The following LAMC3 variants were observed in gnomAD, a reference collection of about 807,000 sequenced individuals.
LAMC3 encodes laminin subunit gamma 3.
In LAMC3, 128 loss-of-function variants were observed where a neutral mutation model predicts 173.8. That is an observed-to-expected ratio of 0.74 (90% CI 0.64 to 0.85). The LOEUF (loss-of-function observed/expected upper bound fraction) is 0.85, where lower values mean the gene tolerates loss of function less well. Among genes scored for constraint, LAMC3 ranks in the 40% least tolerant of loss-of-function variants. The pLI is 0.00. For synonymous variants in LAMC3, 897 were observed against 909.1 expected (o/e 0.99, Z 0.24); for missense variants, 2,022 against 2,156.0 (o/e 0.94, Z 1.23).
intron 4 of LAMC3, 66 bp from the exon 5 acceptor site, chr9:131,038,798 G>T: frequency 6.6e-7 from 1 of 1,510,634 alleles, no homozygotes; most frequent in South Asian, 1.1e-5. Flanking sequence ...GAGGCTGACT[G>T]ACACAGATGC....
Position 131,060,673 on chromosome 9 carries a change from C to T in LAMC3, c.2159-362C>T, listed in dbSNP as rs1341583119. On this transcript the variant is annotated intron_variant, in intron 12 of 27. Coordinates refer to ENST00000361069, the MANE Select transcript of LAMC3 (RefSeq NM_006059.4). ...ATAATAATAATAATAATAATAATAA[C>T]AGCAGCGATGAGTATGTGTGCCAGA... Among the ~76,000 whole-genome samples, 3 of 151,762 alleles carry T rather than the reference C, an allele frequency of 2.0e-5. No homozygotes were observed. In the East Asian group the frequency reaches 5.8e-4, roughly 29 times the overall value.
Position 131,009,412 on chromosome 9 carries a change from C to A in LAMC3, c.198C>A (p.Gly66=). 1 of 1,540,610 alleles carries A rather than the reference C, an allele frequency of 6.5e-7. No individual in the cohort carries two copies. Residue 66 remains glycine (G), a synonymous_variant, in exon 1 of 28, where the codon GGC becomes GGA. Coordinates refer to ENST00000361069, the MANE Select transcript of LAMC3 (RefSeq NM_006059.4). The surrounding 1 kb of genome is among the most constrained non-coding windows in gnomAD (Gnocchi z 4.3). Reference sequence around the variant, plus strand: ...CCGAGGACTTCTGTCCCCACGTGGGCGCCGCGGGCGCGGGGGCTCATTGCC... The same window carrying A: ...CCGAGGACTTCTGTCCCCACGTGGGAGCCGCGGGCGCGGGGGCTCATTGCC... ...SPPEDFCPHV[G]AAGAGAHCQR...
At position 131,029,053 on chromosome 9, in the gene LAMC3, G is replaced by C. The variant is rs1164776875; in HGVS notation, c.678+2464G>C. 6.6e-6 allele frequency among the ~76,000 whole-genome samples: 1 copy of C among 152,204 alleles called. No homozygotes were observed. The highest frequency in any genetic ancestry group is 1.5e-5 in the Non-Finnish European group (1 of 68,044). On this transcript the variant is annotated intron_variant, in intron 2 of 27. Transcript: ENST00000361069. The surrounding 1 kb of genome is among the most constrained non-coding windows in gnomAD (Gnocchi z 4.6). ...TGTCTCCAGCCCCTCCAGAGGTGAA[G>C]CCGATTCTGTGTGGCCCGAGGCCCC...
intron 22 of LAMC3, among the ~76,000 whole-genome samples, chr9:131,077,676 CAAAAAAAAAAAAAAAAA>C (rs56320740): frequency 5.4e-4 from 15 of 27,726 alleles, no homozygotes; most frequent in East Asian, 1.8e-3. Context: ...GACTCCATCT[CAAAAAAAAAAAAAAAAA>C]AAAAAAAAAA....
chr9:131,009,260 C>A lies in LAMC3; in HGVS notation c.46C>A (p.Arg16=). ...LLLGLALLAP[R]AAGAGMGACY... ...GCTGGGGCTGGCGCTGCTGGCACCG[C>A]GGGCGGCCGGCGCGGGCATGGGCGC... The change falls in exon 1 of 28, where the codon CGG becomes AGG. Residue 16 remains arginine, a synonymous_variant. Transcript: ENST00000361069. This position sits in a 1 kb window ranked among gnomAD's most constrained non-coding sequence, Gnocchi z 4.3. 1 of 1,299,868 alleles carries A rather than the reference C, an allele frequency of 7.7e-7. No individual in the cohort carries two copies. The highest frequency in any genetic ancestry group is 9.7e-7 in the Non-Finnish European group (1 of 1,029,196). The allele number at this position is 1,299,868 out of a possible 1,614,324, so 80.5% of individuals were successfully genotyped here. A position where few individuals can be genotyped will look rare whatever the true frequency, so the allele number is the denominator to read the frequency against.
intron 4 of LAMC3, among the ~76,000 whole-genome samples, chr9:131,037,685 G>A (rs950139999): frequency 1.3e-5 from 2 of 152,160 alleles, no homozygotes; most frequent in African/African-American, 4.8e-5. Flanking sequence ...TATAGAGCTC[G>A]GCTCTCACTG....
chr9:131,033,722 G>A (rs1011866101), intron 3 of LAMC3, among the ~76,000 whole-genome samples: 26 of 152,184 alleles, frequency 1.7e-4, no homozygotes, highest in African/African-American at 5.8e-4. Flanking sequence ...GCGGCAGCTT[G>A]GACCAGAGGG....
intron 8 of LAMC3, among the ~76,000 whole-genome samples, chr9:131,046,518 A>ATTGTATT (rs1834163498): frequency 2.0e-5 from 1 of 49,170 alleles, no homozygotes; most frequent in Non-Finnish European, 3.7e-5. Context: ...TAATTTTTGT[A>ATTGTATT]TTTTTTTTTT....
intron 11 of LAMC3, among the ~76,000 whole-genome samples, chr9:131,055,735 TC>T (rs112714670): frequency 1.7e-4 from 26 of 152,002 alleles, no homozygotes; most frequent in African/African-American, 5.5e-4. Context: ...CATTTTTTTT[TC>T]CAAATATCAG....
intron 1 of LAMC3, among the ~76,000 whole-genome samples, chr9:131,018,854 C>T (rs1387415135): frequency 1.3e-5 from 2 of 152,220 alleles, no homozygotes; most frequent in Non-Finnish European, 2.9e-5. Context: ...GTGTGGAATG[C>T]ACCTTCTCCT....
intron 3 of LAMC3, among the ~76,000 whole-genome samples, chr9:131,034,692 T>G (rs1277173457): frequency 6.6e-6 from 1 of 152,224 alleles, no homozygotes; most frequent in Non-Finnish European, 1.5e-5. Flanking sequence ...AGGGAGAAGC[T>G]ATTGCCTTGG....
intron 4 of LAMC3, among the ~76,000 whole-genome samples, 174 bp downstream of exon 4, chr9:131,036,506 G>C (rs1042598008): frequency 6.6e-6 from 1 of 152,080 alleles, no homozygotes; most frequent in African/African-American, 2.4e-5. Context: ...CCTGGGGAGG[G>C]GGTGCATTTA....
intron 16 of LAMC3, 140 bp downstream of exon 16, chr9:131,069,190 A>C: frequency 9.9e-7 from 1 of 1,005,868 alleles, no homozygotes. Flanking sequence ...AGCCGGAAGC[A>C]TGGAGCGAGT....
Position 131,032,157 on chromosome 9 carries a change from A to G in LAMC3, c.791A>G (p.Asp264Gly). The G allele has an allele frequency of 6.3e-7, 1 of 1,579,972 alleles. No individual in the cohort carries two copies. Residue 264 changes from aspartate (D) to glycine (G), a missense_variant, in exon 3 of 28, where the codon GAC becomes GGC. Coordinates refer to ENST00000361069, the MANE Select transcript of LAMC3 (RefSeq NM_006059.4). ...CAGTCCTACTATTATGCCGTGTCCG[A>G]CTTCTCTGTGGGCGGCAGGTAGGAG... Reference protein sequence around the residue: ...VLQSYYYAVSDFSVGGRCKCN... With the variant: ...VLQSYYYAVSGFSVGGRCKCN...
intron 4 of LAMC3, 96 bp from the exon 5 acceptor site, chr9:131,038,768 G>C: frequency 7.9e-7 from 1 of 1,266,122 alleles, no homozygotes. Flanking sequence ...TCTTTGCACT[G>C]CCTGCTCATT....
chr9:131,045,834 G>A (rs920916323), intron 8 of LAMC3, among the ~76,000 whole-genome samples, 174 bp downstream of exon 8: 7 of 152,136 alleles, frequency 4.6e-5, no homozygotes, highest in African/African-American at 1.4e-4. Context: ...GCCCACCTGC[G>A]ACCCCCAGCT....
At position 131,072,743 on chromosome 9, in the gene LAMC3, C is replaced by T; in HGVS notation, c.3325C>T (p.Gln1109Ter). The T allele has an allele frequency of 6.2e-7, 1 of 1,613,130 alleles. No homozygotes were observed. Among genetic ancestry groups the T allele is most frequent in the Non-Finnish European group, 8.5e-7 (1 of 1,179,780 alleles). ...KGARCAQAGS[Q>*]KTCTQLADLE... ...TGCCCGCTGTGCCCAGGCCGGATCC[C>T]AGAAGACCTGCACCCAGCTGGCAGA... The change falls in exon 19 of 28, where the codon CAG (glutamine) becomes TAG (stop). Residue 1109 changes from glutamine (Q) to a stop codon, truncating the protein, a stop_gained. Coordinates refer to ENST00000361069, the MANE Select transcript of LAMC3 (RefSeq NM_006059.4). LOFTEE classifies it high-confidence loss of function.
At chr9:131,053,340 T>C (rs1158684639) in intron 11 of LAMC3, among the ~76,000 whole-genome samples, 1 of 152,154 alleles carries the variant, frequency 6.6e-6, no homozygotes, top group Admixed American at 6.5e-5. Context: ...AGGAGTCCCC[T>C]GGCAGAGTGA....
chr9:131,024,345 C>T (rs1413952059), intron 1 of LAMC3, among the ~76,000 whole-genome samples: 4 of 152,058 alleles, frequency 2.6e-5, no homozygotes, highest in Non-Finnish European at 5.9e-5. Context: ...AGGGATTCAC[C>T]ATGTTGGTCA....
Sources: allele counts gnomAD v4.1 joint callset (sites outside exome capture counted in the v4.1 genomes callset), GRCh38; gene constraint gnomAD v4.1.1; non-coding constraint Gnocchi (gnomAD v3.1); transcripts MANE v1.5; gene names NCBI Gene and HGNC (gene_info 2026-07-23, HGNC 2026-07-21).